The following OR10G9 variants were observed in gnomAD, a reference collection of about 807,000 sequenced individuals.
OR10G9 encodes the protein olfactory receptor 10G9.
For missense variants in OR10G9, 347 were observed against 378.6 expected (o/e 0.92, Z 0.69); for synonymous variants, 149 against 161.0 (o/e 0.93, Z 0.56).
rs765343710 is a variant in OR10G9, at chr11:124,023,076, G to A, written c.64G>A (p.Asp22Asn). ...GGGCCTTCCCCATGCCCCAGGGCTG[G>A]ACGCCCCACTCTTTGGAATCTTCCT... is the stretch of plus-strand genomic sequence containing the variant. ...LTGLPHAPGL[D>N]APLFGIFLVV... The change falls in exon 1 of 1, where the codon GAC (aspartate) becomes AAC (asparagine). Residue 22 changes from aspartate (D) to asparagine (N), a missense_variant. Transcript: ENST00000375024. The A allele has an allele frequency of 5.6e-6, 9 of 1,613,808 alleles. No individual in the cohort carries two copies. The African/African-American group carries it at 1.1e-4, about 19-fold the overall frequency.
In OR10G9 at chr11:124,023,341, A is replaced by G. The variant is rs1373695463; in HGVS notation, c.329A>G (p.Glu110Gly). 6.3e-7 allele frequency: 1 copy of G among 1,592,284 alleles called. No individual in the cohort carries two copies. The highest frequency in any genetic ancestry group is 8.6e-7 in the Non-Finnish European group (1 of 1,162,906). The change falls in exon 1 of 1, where the codon GAG becomes GGG. Residue 110 changes from glutamate to glycine, a missense_variant. Coordinates refer to ENST00000375024, the MANE Select transcript of OR10G9 (RefSeq NM_001001953.1). ...TTTTTCCACTTCCTGGGGAGCACCG[A>G]GTGTTTCCTCTACACAGTCATGTCC... The part of the protein sequence containing the change: ...LYFFHFLGST[E>G]CFLYTVMSYD...
At position 124,023,910 on chromosome 11, in the gene OR10G9, A is replaced by G; in HGVS notation, c.898A>G (p.Lys300Glu). ...CAAGGAGGTGAAGAAAGCTGTGTTG[A>G]AACTGAGAGACAAAGTAGCACATTC... Reference protein sequence around the residue: ...RNKEVKKAVLKLRDKVAHSQG... With the variant: ...RNKEVKKAVLELRDKVAHSQG... Residue 300 changes from lysine to glutamate, a missense_variant, in exon 1 of 1, where the codon AAA becomes GAA. Transcript: ENST00000375024. The G allele has an allele frequency of 6.2e-7, 1 of 1,608,056 alleles. No individual in the cohort carries two copies. Among genetic ancestry groups the G allele is most frequent in the Non-Finnish European group, 8.5e-7 (1 of 1,177,742 alleles).
rs397832339 is a variant in OR10G9, at chr11:124,023,379, T to C, written c.367T>C (p.Leu123=). 8.5e-5 allele frequency: 137 copies of C among 1,605,454 alleles called. No homozygotes were observed. In the African/African-American group the frequency reaches 1.4e-3, roughly 17 times the overall value. Residue 123 remains leucine, a synonymous_variant, in exon 1 of 1, where the codon TTG becomes CTG. Coordinates refer to ENST00000375024, the MANE Select transcript of OR10G9 (RefSeq NM_001001953.1). ...LYTVMSYDRY[L]AISYPLRYTS... ...CACAGTCATGTCCTATGATCGCTACTTGGCCATCAGTTACCCGCTCAGGTA... is the reference window on the plus strand; with the variant it reads ...CACAGTCATGTCCTATGATCGCTACCTGGCCATCAGTTACCCGCTCAGGTA...
Position 124,023,741 on chromosome 11 carries a change from C to T in OR10G9, c.729C>T (p.His243=). The T allele has an allele frequency of 1.2e-6, 2 of 1,614,176 alleles. No individual in the cohort carries two copies. The highest frequency in any genetic ancestry group is 1.7e-6 in the Non-Finnish European group (2 of 1,180,022). Residue 243 remains histidine (H), a synonymous_variant, in exon 1 of 1, where the codon CAC becomes CAT. Coordinates refer to ENST00000375024, the MANE Select transcript of OR10G9 (RefSeq NM_001001953.1). ...GAGCCTTTCAGACCTGTGCCTCCCA[C>T]TGCATCGTGGTCCTTTGCTTTTTTG... ...RHRAFQTCAS[H]CIVVLCFFVP...
rs867490458 is a variant in OR10G9 at position 124,023,900 on chromosome 11, A to G, written c.888A>G (p.Lys296=). ...VYTLRNKEVK[K]AVLKLRDKVA... is the part of the protein sequence containing the mutation. ...CCCTGAGAAACAAGGAGGTGAAGAA[A>G]GCTGTGTTGAAACTGAGAGACAAAG... Residue 296 remains lysine (K), a synonymous_variant, in exon 1 of 1, where the codon AAA becomes AAG. Coordinates refer to ENST00000375024, the MANE Select transcript of OR10G9 (RefSeq NM_001001953.1). 1.8e-5 allele frequency: 29 copies of G among 1,611,122 alleles called. No individual in the cohort carries two copies. The Middle Eastern group carries it at 1.5e-3, about 83-fold the overall frequency.
At position 124,023,753 on chromosome 11, in the gene OR10G9, C is replaced by T. The variant is rs146093781; in HGVS notation, c.741C>T (p.Val247=). The change falls in exon 1 of 1, where the codon GTC becomes GTT. Residue 247 remains valine (V), a synonymous_variant. Transcript: ENST00000375024. Reference sequence around the variant, plus strand: ...CCTGTGCCTCCCACTGCATCGTGGTCCTTTGCTTTTTTGTTCCCTGTGTTT... The same window carrying T: ...CCTGTGCCTCCCACTGCATCGTGGTTCTTTGCTTTTTTGTTCCCTGTGTTT... The part of the protein sequence containing the change: ...FQTCASHCIV[V]LCFFVPCVFI... 44 of 1,614,020 alleles carry T rather than the reference C, an allele frequency of 2.7e-5. No individual in the cohort carries two copies. Among genetic ancestry groups the T allele is most frequent in the Non-Finnish European group, 3.7e-5 (44 of 1,180,040 alleles).
rs537443937 is a variant in OR10G9, at chr11:124,023,843, G to A, written c.831G>A (p.Val277=). 1.2e-6 allele frequency: 2 copies of A among 1,614,150 alleles called. No homozygotes were observed. Among genetic ancestry groups the A allele is most frequent in the East Asian group, 4.5e-5 (2 of 44,878 alleles). Residue 277 remains valine (V), a synonymous_variant, in exon 1 of 1, where the codon GTG becomes GTA. Coordinates refer to ENST00000375024, the MANE Select transcript of OR10G9 (RefSeq NM_001001953.1). The part of the protein sequence containing the change: ...VDGVVAIFYT[V]LTPLLNPVVY... Reference sequence around the variant, plus strand: ...GAGTTGTGGCCATTTTCTACACTGTGCTGACACCCCTTCTCAACCCTGTTG... The same window carrying A: ...GAGTTGTGGCCATTTTCTACACTGTACTGACACCCCTTCTCAACCCTGTTG...
chr11:124,023,669 C>T lies in OR10G9; in HGVS notation c.657C>T (p.Ser219=), dbSNP rs548699723. 21 of 1,613,898 alleles carry T rather than the reference C, an allele frequency of 1.3e-5. No individual in the cohort carries two copies. The African/African-American group carries it at 2.4e-4, about 18-fold the overall frequency. Residue 219 remains serine, a synonymous_variant, in exon 1 of 1, where the codon TCC becomes TCT. Coordinates refer to ENST00000375024, the MANE Select transcript of OR10G9 (RefSeq NM_001001953.1). ...CFLLIVLSYV[S]IVCSILRIHT... is the part of the protein sequence containing the mutation. The stretch of plus-strand genomic sequence containing the variant: ...TCCTGATAGTGCTGTCTTATGTGTC[C>T]ATCGTCTGTTCCATCCTGCGGATCC...
rs150573636 is a variant in OR10G9 at position 124,023,928 on chromosome 11, G to A, written c.916G>A (p.Ala306Thr). ...KAVLKLRDKV[A>T]HSQGE ...TGTGTTGAAACTGAGAGACAAAGTA[G>A]CACATTCTCAGGGAGAATAAATACT... is the stretch of plus-strand genomic sequence containing the variant. Residue 306 changes from alanine to threonine, a missense_variant, in exon 1 of 1, where the codon GCA becomes ACA. Coordinates refer to ENST00000375024, the MANE Select transcript of OR10G9 (RefSeq NM_001001953.1). 7,046 of 1,600,686 alleles carry A rather than the reference G, an allele frequency of 4.4e-3. 23 individuals are homozygous for A. The highest frequency in any genetic ancestry group is 5.4e-3 in the Non-Finnish European group (6,355 of 1,174,480).
rs28499345 is a variant in OR10G9, at chr11:124,023,429, A to G, written c.417A>G (p.Arg139=). 1,364,070 of 1,576,828 alleles carry G rather than the reference A, an allele frequency of 0.87. 593,933 individuals are homozygous for G. Among genetic ancestry groups the G allele is most frequent in the African/African-American group, 0.91 (67,080 of 73,520 alleles). The change falls in exon 1 of 1, where the codon AGA becomes AGG. Residue 139 remains arginine (R), a synonymous_variant. Transcript: ENST00000375024. The part of the protein sequence containing the change: ...LRYTSMMSGS[R]CALLATSTWL... ...ACACCAGCATGATGAGTGGGAGCAG[A>G]TGTGCCCTCCTGGCCACCAGCACTT... is the stretch of plus-strand genomic sequence containing the variant.
In OR10G9 at chr11:124,023,730, T is replaced by C; in HGVS notation, c.718T>C (p.Cys240Arg). ...SEGRHRAFQT[C>R]ASHCIVVLCF... ...GGGGAGGCACAGAGCCTTTCAGACC[T>C]GTGCCTCCCACTGCATCGTGGTCCT... The change falls in exon 1 of 1, where the codon TGT becomes CGT. Residue 240 changes from cysteine to arginine, a missense_variant. Coordinates refer to ENST00000375024, the MANE Select transcript of OR10G9 (RefSeq NM_001001953.1). 4.3e-6 allele frequency: 7 copies of C among 1,614,176 alleles called. No homozygotes were observed. Among genetic ancestry groups the C allele is most frequent in the Non-Finnish European group, 5.1e-6 (6 of 1,180,020 alleles).
Position 124,023,338 on chromosome 11 carries a change from C to A in OR10G9, c.326C>A (p.Thr109Asn). The change falls in exon 1 of 1, where the codon ACC becomes AAC. Residue 109 changes from threonine to asparagine, a missense_variant. Coordinates refer to ENST00000375024, the MANE Select transcript of OR10G9 (RefSeq NM_001001953.1). ...QLYFFHFLGS[T>N]ECFLYTVMSY... ...TATTTTTTCCACTTCCTGGGGAGCA[C>A]CGAGTGTTTCCTCTACACAGTCATG... 2 of 1,591,846 alleles carry A rather than the reference C, an allele frequency of 1.3e-6. No homozygotes were observed. The highest frequency in any genetic ancestry group is 8.6e-7 in the Non-Finnish European group (1 of 1,162,166).
rs755974430 is a variant in OR10G9 at position 124,023,340 on chromosome 11, G to A, written c.328G>A (p.Glu110Lys). 11 of 1,591,738 alleles carry A rather than the reference G, an allele frequency of 6.9e-6. No individual in the cohort carries two copies. Among genetic ancestry groups the A allele is most frequent in the East Asian group, 2.2e-5 (1 of 44,600 alleles). ...TTTTTTCCACTTCCTGGGGAGCACC[G>A]AGTGTTTCCTCTACACAGTCATGTC... ...LYFFHFLGST[E>K]CFLYTVMSYD... Residue 110 changes from glutamate (E) to lysine (K), a missense_variant, in exon 1 of 1, where the codon GAG becomes AAG. By Grantham distance (56) the Glu-to-Lys change is moderately conservative. Coordinates refer to ENST00000375024, the MANE Select transcript of OR10G9 (RefSeq NM_001001953.1).
rs1362944950 is a variant in OR10G9 at position 124,023,067 on chromosome 11, C to T, written c.55C>T (p.Pro19Ser). The T allele has an allele frequency of 1.9e-6, 3 of 1,613,854 alleles. No individual in the cohort carries two copies. The highest frequency in any genetic ancestry group is 2.7e-5 in the African/African-American group (2 of 74,924). ...CATCCTCACGGGCCTTCCCCATGCC[C>T]CAGGGCTGGACGCCCCACTCTTTGG... ...AFILTGLPHA[P>S]GLDAPLFGIF... is the part of the protein sequence containing the mutation. The change falls in exon 1 of 1, where the codon CCA becomes TCA. Residue 19 changes from proline (P) to serine (S), a missense_variant. By Grantham distance (74) the Pro-to-Ser change is moderately conservative. Transcript: ENST00000375024.
rs767347817 is a variant in OR10G9, at chr11:124,023,335, G to A, written c.323G>A (p.Ser108Asn). The A allele has an allele frequency of 2.6e-5, 42 of 1,589,796 alleles. No homozygotes were observed. The East Asian group carries it at 9.4e-4, about 36-fold the overall frequency. ...CTCTATTTTTTCCACTTCCTGGGGA[G>A]CACCGAGTGTTTCCTCTACACAGTC... ...AQLYFFHFLG[S>N]TECFLYTVMS... The change falls in exon 1 of 1, where the codon AGC becomes AAC. Residue 108 changes from serine to asparagine, a missense_variant. Ser to Asn is a conservative substitution (Grantham distance 46). Coordinates refer to ENST00000375024, the MANE Select transcript of OR10G9 (RefSeq NM_001001953.1).
chr11:124,023,580 G>T lies in OR10G9; in HGVS notation c.568G>T (p.Asp190Tyr), dbSNP rs766320268. The T allele has an allele frequency of 1.9e-6, 3 of 1,614,030 alleles. No homozygotes were observed. In the South Asian group the frequency reaches 3.3e-5, roughly 18 times the overall value. ...GCCCATCCTGAAACTGGCCTGTGCA[G>T]ACACCTCAGCCAACGAGATGGTCAT... ...APPILKLACA[D>Y]TSANEMVIFV... Residue 190 changes from aspartate to tyrosine, a missense_variant, in exon 1 of 1, where the codon GAC (aspartate) becomes TAC (tyrosine). Coordinates refer to ENST00000375024, the MANE Select transcript of OR10G9 (RefSeq NM_001001953.1).
At position 124,023,197 on chromosome 11, in the gene OR10G9, C is replaced by A. The variant is rs144495400; in HGVS notation, c.185C>A (p.Thr62Asn). ...HLHTPMYYFL[T>N]NLSFIDMWFS... ...CACACCCCCATGTACTACTTCCTCACCAACCTGTCCTTCATTGACATGTGG... is the reference window on the plus strand; with the variant it reads ...CACACCCCCATGTACTACTTCCTCAACAACCTGTCCTTCATTGACATGTGG... Residue 62 changes from threonine (T) to asparagine (N), a missense_variant, in exon 1 of 1, where the codon ACC (threonine) becomes AAC (asparagine). Thr to Asn is a moderately conservative substitution (Grantham distance 65). Transcript: ENST00000375024. 6.2e-7 allele frequency: 1 copy of A among 1,612,332 alleles called. No individual in the cohort carries two copies. Among genetic ancestry groups the A allele is most frequent in the African/African-American group, 1.3e-5 (1 of 74,478 alleles).
rs755439099 is a variant in OR10G9, at chr11:124,023,647, T to C, written c.635T>C (p.Leu212Pro). 1.2e-6 allele frequency: 2 copies of C among 1,614,162 alleles called. No individual in the cohort carries two copies. Among genetic ancestry groups the C allele is most frequent in the Non-Finnish European group, 8.5e-7 (1 of 1,180,018 alleles). The change falls in exon 1 of 1, where the codon CTG becomes CCG. Residue 212 changes from leucine (L) to proline (P), a missense_variant. Coordinates refer to ENST00000375024, the MANE Select transcript of OR10G9 (RefSeq NM_001001953.1). ...IGLVASGCFL[L>P]IVLSYVSIVC... ...CTAGTGGCCTCGGGCTGCTTTCTCC[T>C]GATAGTGCTGTCTTATGTGTCCATC...
rs1223961684 is a variant in OR10G9, at chr11:124,023,885, C to T, written c.873C>T (p.Asn291=). The change falls in exon 1 of 1, where the codon AAC becomes AAT. Residue 291 remains asparagine (N), a synonymous_variant. Transcript: ENST00000375024. ...LLNPVVYTLR[N]KEVKKAVLKL... Reference sequence around the variant, plus strand: ...ACCCTGTTGTGTACACCCTGAGAAACAAGGAGGTGAAGAAAGCTGTGTTGA... The same window carrying T: ...ACCCTGTTGTGTACACCCTGAGAAATAAGGAGGTGAAGAAAGCTGTGTTGA... 5 of 1,612,530 alleles carry T rather than the reference C, an allele frequency of 3.1e-6. No individual in the cohort carries two copies. Among genetic ancestry groups the T allele is most frequent in the Non-Finnish European group, 4.2e-6 (5 of 1,179,622 alleles).
Sources: allele counts gnomAD v4.1 joint callset, GRCh38; gene constraint gnomAD v4.1.1; transcripts MANE v1.5; gene names NCBI Gene and HGNC (gene_info 2026-07-23, HGNC 2026-07-21).